Variants in NSD2 observed in about 807,000 individuals in gnomAD.
NSD2 encodes the protein nuclear receptor binding SET domain protein 2.
A neutral mutation model predicts 139.0 loss-of-function variants in NSD2; 12 were observed. That is an observed-to-expected ratio of 0.09 (90% confidence interval 0.06 to 0.14). NSD2 has a LOEUF of 0.14. Ranked by LOEUF, NSD2 falls within the 10% of genes least tolerant of loss-of-function variation. The pLI is 1.00. For missense variants in NSD2, 1,155 were observed against 1,745.0 expected (o/e 0.66, Z 6.02); for synonymous variants, 669 against 648.7 (o/e 1.03, Z -0.48).
intron 9 of NSD2, chr4:1,945,813 C>T (rs188260513): frequency 5.4e-4 from 579 of 1,064,272 alleles, no homozygotes; most frequent in Non-Finnish European, 6.3e-4. Flanking sequence ...ACGGATTCCC[C>T]TCGCTGGAGA....
intron 3 of NSD2, among the ~76,000 whole-genome samples, chr4:1,915,692 C>G (rs1719295126): frequency 1.3e-5 from 2 of 152,168 alleles, no homozygotes; most frequent in African/African-American, 4.8e-5. Context: ...GTTATCCACC[C>G]TCCTTTGCAT....
chr4:1,952,977 C>T (rs761680155), intron 11 of NSD2: 2 of 1,435,230 alleles, frequency 1.4e-6, no homozygotes, highest in Non-Finnish European at 1.8e-6. Flanking sequence ...AGTGACTGCT[C>T]CACCACTGGC....
rs1382832636 is a variant in NSD2 at position 1,979,454 on chromosome 4, G to A, written c.*545G>A. On this transcript the variant is annotated 3_prime_UTR_variant, in exon 22 of 22. Transcript: ENST00000508803. ...GGCTGTATCATTTTTTTGTACTAAT[G>A]TGAATTGTTCCTCAGAAACGCTTCT... The A allele has an allele frequency of 1.3e-5, 3 of 233,272 alleles. No homozygotes were observed. The highest frequency in any genetic ancestry group is 4.4e-5 in the African/African-American group (2 of 45,344). The allele number at this position is 233,272 out of a possible 1,614,324, so 14.5% of individuals were successfully genotyped here. A position where few individuals can be genotyped will look rare whatever the true frequency, so the allele number is the denominator to read the frequency against.
chr4:1,900,675 G>C lies in NSD2; in HGVS notation c.21G>C (p.Gln7His). 6.3e-7 allele frequency: 1 copy of C among 1,593,312 alleles called. No homozygotes were observed. Among genetic ancestry groups the C allele is most frequent in the Non-Finnish European group, 8.6e-7 (1 of 1,167,626 alleles). The change falls in exon 2 of 22, where the codon CAG (glutamine) becomes CAC (histidine). Residue 7 changes from glutamine to histidine, a missense_variant. Coordinates refer to ENST00000508803, the MANE Select transcript of NSD2 (RefSeq NM_001042424.3). MEFSIK[Q>H]SPLSVQSVVK... is the part of the protein sequence containing the mutation. ...GCTGGATGGAATTTAGCATCAAGCA[G>C]AGTCCCCTTTCTGTTCAGAGTGTTG...
chr4:1,899,040 T>C (rs1481089905), intron 1 of NSD2, among the ~76,000 whole-genome samples: 2 of 152,202 alleles, frequency 1.3e-5, no homozygotes, highest in Non-Finnish European at 2.9e-5. Flanking sequence ...GTTGGTATGA[T>C]ATGAGCTGGA....
Position 1,955,195 on chromosome 4 carries a change from C to T in NSD2, c.2373C>T (p.Ala791=), listed in dbSNP as rs764764393. The T allele has an allele frequency of 1.9e-6, 3 of 1,613,564 alleles. No individual in the cohort carries two copies. Among genetic ancestry groups the T allele is most frequent in the South Asian group, 1.1e-5 (1 of 91,074 alleles). Residue 791 remains alanine, a synonymous_variant, in exon 13 of 22, where the codon GCC becomes GCT. Coordinates refer to ENST00000508803, the MANE Select transcript of NSD2 (RefSeq NM_001042424.3). This position sits in a 1 kb window ranked among gnomAD's most constrained non-coding sequence, Gnocchi z 4.7. ...KMMRCVRCPV[A]YHSGDACLAA... is the part of the protein sequence containing the mutation. Reference sequence around the variant, plus strand: ...TGCGGTGTGTCCGCTGCCCCGTTGCCTATCACAGCGGGGATGCTTGTCTGG... The same window carrying T: ...TGCGGTGTGTCCGCTGCCCCGTTGCTTATCACAGCGGGGATGCTTGTCTGG...
intron 1 of NSD2, among the ~76,000 whole-genome samples, chr4:1,874,726 G>C (rs983621120): frequency 1.3e-5 from 2 of 152,144 alleles, no homozygotes; most frequent in African/African-American, 4.8e-5. Flanking sequence ...GATGGAGCAA[G>C]AAATCTACCT....
chr4:1,915,595 C>G (rs895942968), intron 3 of NSD2, among the ~76,000 whole-genome samples: 1 of 152,126 alleles, frequency 6.6e-6, no homozygotes, highest in African/African-American at 2.4e-5. Context: ...CTGGATGCTT[C>G]CCTGGGTCCA....
In NSD2 at chr4:1,948,164, A is replaced by G. The variant is rs981526785; in HGVS notation, c.1882-2908A>G. ...ATTTTCAGACTGAAGAAAACTTTGA[A>G]AAGTCAGGAGCTAAGCTGCTCGGAG... On this transcript the variant is annotated intron_variant, in intron 9 of 21. Transcript: ENST00000508803. This position sits in a 1 kb window ranked among gnomAD's most constrained non-coding sequence, Gnocchi z 4.5. 9.4e-7 allele frequency: 1 copy of G among 1,063,004 alleles called. No homozygotes were observed. Among genetic ancestry groups the G allele is most frequent in the Non-Finnish European group, 1.1e-6 (1 of 877,596 alleles). 65.8% of individuals were successfully genotyped at this position (1,063,004 alleles called of 1,614,324 possible).
intron 20 of NSD2, 85 bp downstream of exon 20, chr4:1,975,485 C>T: frequency 5.5e-6 from 7 of 1,262,128 alleles, no homozygotes; most frequent in Non-Finnish European, 8.0e-6. Flanking sequence ...TGAACAGCGG[C>T]TTCCTCCAGG....
In NSD2 at chr4:1,972,165, C is replaced by T. The variant is rs1726556195; in HGVS notation, c.3373-2698C>T. On this transcript the variant is annotated intron_variant, in intron 18 of 21. Coordinates refer to ENST00000508803, the MANE Select transcript of NSD2 (RefSeq NM_001042424.3). This position sits in a 1 kb window ranked among gnomAD's most constrained non-coding sequence, Gnocchi z 4.0. ...GAGAGGCCAGGTCCACAGGTTTTCC[C>T]CTGCCCTCCTCATGTATGCAGAGCC... 6.6e-6 allele frequency among the ~76,000 whole-genome samples: 1 copy of T among 152,178 alleles called. No individual in the cohort carries two copies. Among genetic ancestry groups the T allele is most frequent in the Non-Finnish European group, 1.5e-5 (1 of 68,036 alleles).
chr4:1,876,021 C>T (rs1560539518), intron 1 of NSD2, among the ~76,000 whole-genome samples: 1 of 151,686 alleles, frequency 6.6e-6, no homozygotes. Context: ...TGAGACCATC[C>T]TGGCTAACAT....
chr4:1,924,053 G>A (rs1253403292), intron 5 of NSD2, among the ~76,000 whole-genome samples: 1 of 152,228 alleles, frequency 6.6e-6, no homozygotes, highest in Non-Finnish European at 1.5e-5. Flanking sequence ...TGGTGGAGTA[G>A]CTGTGGTCAT....
rs1164887041 is a variant in NSD2 at position 1,884,935 on chromosome 4, C to G, written c.-30+13393C>G. 3.3e-5 allele frequency among the ~76,000 whole-genome samples: 5 copies of G among 151,306 alleles called. 1 individual carries two copies. ...ACCAGCCTGACCAACATGGAGAAACCCTGTCTCTACTAAAAATACTAAAAA... is the reference window on the plus strand; with the variant it reads ...ACCAGCCTGACCAACATGGAGAAACGCTGTCTCTACTAAAAATACTAAAAA... On this transcript the variant is annotated intron_variant, in intron 1 of 21. Coordinates refer to ENST00000508803, the MANE Select transcript of NSD2 (RefSeq NM_001042424.3).
intron 1 of NSD2, among the ~76,000 whole-genome samples, chr4:1,898,658 T>TAAAAAAAAAAAA (rs967880779): frequency 8.4e-6 from 1 of 119,284 alleles, no homozygotes; most frequent in African/African-American, 3.1e-5. Flanking sequence ...AGACTCCGTC[T>TAAAAAAAAAAAA]AAAAAAAAAA....
At chr4:1,890,075 A>G (rs989817536) in intron 1 of NSD2, among the ~76,000 whole-genome samples, 1 of 152,202 alleles carries the variant, frequency 6.6e-6, no homozygotes, top group Non-Finnish European at 1.5e-5. Context: ...AAATGGAATC[A>G]TACAGCATGT....
intron 17 of NSD2, among the ~76,000 whole-genome samples, chr4:1,960,500 A>G (rs959420927): frequency 2.6e-5 from 4 of 152,204 alleles, no homozygotes; most frequent in Admixed American, 2.6e-4. Flanking sequence ...GACATGTAGA[A>G]CTGCTGACCC....
At chr4:1,884,337 C>G (rs1159620912) in intron 1 of NSD2, among the ~76,000 whole-genome samples, 1 of 152,052 alleles carries the variant, frequency 6.6e-6, no homozygotes, top group Non-Finnish European at 1.5e-5. Context: ...CTCAAGTGAT[C>G]TGGCCCACCT....
At chr4:1,917,248 A>T (rs1453095746) in intron 4 of NSD2, among the ~76,000 whole-genome samples, 1 of 151,914 alleles carries the variant, frequency 6.6e-6, no homozygotes, top group African/African-American at 2.4e-5. Context: ...TCATTTGATG[A>T]CTCTCAGAGA....
Sources: allele counts gnomAD v4.1 joint callset (sites outside exome capture counted in the v4.1 genomes callset), GRCh38; gene constraint gnomAD v4.1.1; non-coding constraint Gnocchi (gnomAD v3.1); transcripts MANE v1.5; gene names NCBI Gene and HGNC (gene_info 2026-07-23, HGNC 2026-07-21).